The following CKM variants were observed in gnomAD, a reference collection of about 807,000 sequenced individuals.
CKM encodes the protein creatine kinase M-type.
A neutral mutation model predicts 35.4 loss-of-function variants in CKM; 28 were observed. That is an observed-to-expected ratio of 0.79 (90% confidence interval 0.59 to 1.08). The LOEUF is 1.08. CKM is among the 50% of genes least tolerant of loss of function. The probability of loss-of-function intolerance (pLI) is 0.00; values close to 1 mark genes in which losing one functional copy is unlikely to be tolerated. For synonymous variants in CKM, 215 were observed against 204.4 expected (o/e 1.05, Z -0.44); for missense variants, 484 against 509.8 (o/e 0.95, Z 0.49).
chr19:45,321,736 C>T (rs1162924166), intron 1 of CKM, among the ~76,000 whole-genome samples: 2 of 152,032 alleles, frequency 1.3e-5, no homozygotes, highest in South Asian at 2.1e-4. Flanking sequence ...TGGGATTATG[C>T]GTGTGAGCCA....
intron 2 of CKM, 54 bp downstream of exon 2, chr19:45,319,467 G>T: frequency 6.8e-7 from 1 of 1,467,674 alleles, no homozygotes; most frequent in Non-Finnish European, 9.5e-7. Context: ...GGCATGGCCG[G>T]CAGCCTCCAG....
intron 5 of CKM, 147 bp downstream of exon 5, chr19:45,311,602 G>A: frequency 1.4e-6 from 1 of 698,156 alleles, no homozygotes; most frequent in South Asian, 1.8e-5. Flanking sequence ...GGATGGGCAG[G>A]GGCGGAGGGC....
intron 4 of CKM, 100 bp downstream of exon 4, chr19:45,315,365 C>T (rs1971146776): frequency 7.3e-7 from 1 of 1,372,646 alleles, no homozygotes. Context: ...TCTTCCCCTA[C>T]TTTGAAAAGC....
intron 3 of CKM, among the ~76,000 whole-genome samples, chr19:45,316,082 C>T (rs1289780808): frequency 6.6e-6 from 1 of 151,992 alleles, no homozygotes; most frequent in African/African-American, 2.4e-5. Flanking sequence ...GTAATCCCAA[C>T]ACTTTGGGAA....
chr19:45,314,922 G>A (rs1258157334), intron 4 of CKM, among the ~76,000 whole-genome samples: 1 of 151,662 alleles, frequency 6.6e-6, no homozygotes, highest in African/African-American at 2.4e-5. Flanking sequence ...GTATTGCCCA[G>A]TCTGGTCTTG....
intron 7 of CKM, 91 bp from the exon 8 acceptor site, chr19:45,307,019 TAGTG>T: frequency 7.9e-7 from 1 of 1,269,026 alleles, no homozygotes; most frequent in East Asian, 2.3e-5. Context: ...CAGCCGCATG[TAGTG>T]AGTGCCTACT....
At chr19:45,317,727 GTCTC>G in intron 3 of CKM, 94 bp downstream of exon 3, 2 of 1,330,300 alleles carry the variant, frequency 1.5e-6, no homozygotes, top group Non-Finnish European at 2.1e-6. Flanking sequence ...ACACCTCTGT[GTCTC>G]TCTCTGTCTC....
Position 45,307,455 on chromosome 19 carries a change from C to T in CKM, c.967+6G>A, listed in dbSNP as rs1414625334. Reference sequence around the variant, plus strand: ...CGTCGTGGTGCAAAGGATGTGGGAGCCGTACCTGTACCCCTCTTCTGCAGA... The same window carrying T: ...CGTCGTGGTGCAAAGGATGTGGGAGTCGTACCTGTACCCCTCTTCTGCAGA... On this transcript the variant is annotated splice_donor_region_variant and intron_variant, in intron 7 of 7. Transcript: ENST00000221476. 3.2e-5 allele frequency: 51 copies of T among 1,613,308 alleles called. No individual in the cohort carries two copies. Among genetic ancestry groups the T allele is most frequent in the Non-Finnish European group, 4.2e-5 (50 of 1,179,602 alleles).
At chr19:45,315,051 C>T (rs904251774) in intron 4 of CKM, among the ~76,000 whole-genome samples, 2 of 152,164 alleles carry the variant, frequency 1.3e-5, no homozygotes, top group African/African-American at 4.8e-5. Flanking sequence ...TCCACCACAC[C>T]CATGTCTTGG....
intron 1 of CKM, among the ~76,000 whole-genome samples, chr19:45,319,996 A>G (rs1196602589): frequency 4.6e-5 from 7 of 151,284 alleles, no homozygotes; most frequent in South Asian, 2.1e-4. Flanking sequence ...TCACCATGTT[A>G]GCCAGGATAG....
At chr19:45,322,336 C>T (rs1006743818) in intron 1 of CKM, among the ~76,000 whole-genome samples, 5 of 152,138 alleles carry the variant, frequency 3.3e-5, no homozygotes, top group African/African-American at 1.2e-4. Flanking sequence ...AGGACATGCC[C>T]AGGACACTCA....
Position 45,315,849 on chromosome 19 carries a change from C to CTTTTTTTTGTTT in CKM, c.349-253_349-252insAAACAAAAAAAA, listed in dbSNP as rs376961493. The stretch of plus-strand genomic sequence containing the variant: ...TCCCCATCTTCGTATATTTCTTTTC[C>CTTTTTTTTGTTT]TTTTTTTTCTTCGAGACAGGGTCTC... On this transcript the variant is annotated intron_variant, in intron 3 of 7. Coordinates refer to ENST00000221476, the MANE Select transcript of CKM (RefSeq NM_001824.5). Among the ~76,000 whole-genome samples the CTTTTTTTTGTTT allele has an allele frequency of 1.3e-3, 181 of 135,680 alleles. 3 individuals are homozygous for CTTTTTTTTGTTT. The highest frequency in any genetic ancestry group is 2.3e-3 in the Non-Finnish European group (147 of 63,404). 89.0% of individuals were successfully genotyped at this position (135,680 alleles called of 152,430 possible).
rs373583683 is a variant in CKM, at chr19:45,306,729, C to G, written c.*21G>C. Reference sequence around the variant, plus strand: ...CTCCCACTGGCTGGGTTCCAGCAGTCGGTGGCAGGTGGGCAGGCGCCTACT... The same window carrying G: ...CTCCCACTGGCTGGGTTCCAGCAGTGGGTGGCAGGTGGGCAGGCGCCTACT... On this transcript the variant is annotated 3_prime_UTR_variant, in exon 8 of 8. Transcript: ENST00000221476. This position sits in a 1 kb window ranked among gnomAD's most constrained non-coding sequence, Gnocchi z 4.5. The G allele has an allele frequency of 1.9e-6, 3 of 1,613,542 alleles. No individual in the cohort carries two copies. The highest frequency in any genetic ancestry group is 2.7e-5 in the African/African-American group (2 of 75,026).
At position 45,308,409 on chromosome 19, in the gene CKM, C is replaced by G. The variant is rs772394703; in HGVS notation, c.777G>C (p.Lys259Asn). ...VFRRFCVGLQ[K>N]IEEIFKKAGH... ...TCAGCAGCTAAGGGCAGACACCCAC[C>G]TTCTGCAGCCCTACGCAGAAGCGGC... Residue 259 changes from lysine (K) to asparagine (N), a missense_variant and splice_region_variant, in exon 6 of 8, where the codon AAG (lysine) becomes AAC (asparagine). By Grantham distance (94) the Lys-to-Asn change is moderately conservative. Coordinates refer to ENST00000221476, the MANE Select transcript of CKM (RefSeq NM_001824.5). 6.2e-7 allele frequency: 1 copy of G among 1,614,172 alleles called. No homozygotes were observed. The highest frequency in any genetic ancestry group is 1.3e-5 in the African/African-American group (1 of 75,044).
intron 5 of CKM, among the ~76,000 whole-genome samples, chr19:45,309,447 T>C (rs547295036): frequency 2.2e-4 from 32 of 147,312 alleles, no homozygotes; most frequent in Non-Finnish European, 3.6e-4. Context: ...TCCAAGCCAC[T>C]GGGGAGGCTG....
chr19:45,319,998 C>A (rs1173769814), intron 1 of CKM, among the ~76,000 whole-genome samples: 1 of 151,844 alleles, frequency 6.6e-6, no homozygotes, highest in Non-Finnish European at 1.5e-5. Context: ...ACCATGTTAG[C>A]CAGGATAGTC....
In CKM at chr19:45,315,543, G is replaced by C; in HGVS notation, c.403C>G (p.Arg135Gly). 6.2e-7 allele frequency: 1 copy of C among 1,602,928 alleles called. No homozygotes were observed. The highest frequency in any genetic ancestry group is 1.3e-5 in the African/African-American group (1 of 75,044). The change falls in exon 4 of 8, where the codon CGC (arginine) becomes GGC (glycine). Residue 135 changes from arginine to glycine, a missense_variant. Arg to Gly is a moderately radical substitution (Grantham distance 125, BLOSUM62 -2). Coordinates refer to ENST00000221476, the MANE Select transcript of CKM (RefSeq NM_001824.5). The stretch of plus-strand genomic sequence containing the variant: ...GGCAACGTGTAGCCCTTGATGCTGC[G>C]GCCAGTGCGGACGCGGCTGCTGAGC... Reference protein sequence around the residue: ...YVLSSRVRTGRSIKGYTLPPH... With the variant: ...YVLSSRVRTGGSIKGYTLPPH...
chr19:45,307,059 T>A, intron 7 of CKM, 131 bp from the exon 8 acceptor site: 1 of 850,968 alleles, frequency 1.2e-6, no homozygotes, highest in Non-Finnish European at 1.9e-6. Flanking sequence ...TGCACACAGG[T>A]AATGCCTGTT....
chr19:45,306,658 G>T lies in CKM; in HGVS notation c.*92C>A. On this transcript the variant is annotated 3_prime_UTR_variant, in exon 8 of 8. Transcript: ENST00000221476. This position sits in a 1 kb window ranked among gnomAD's most constrained non-coding sequence, Gnocchi z 4.5. ...GCCCCCAGGTGGGACTCTGGGACAG[G>T]GGGCGGGGCGAGGAGTGAGGGAGCA... 7.3e-7 allele frequency: 1 copy of T among 1,378,176 alleles called. No homozygotes were observed. 85.4% of individuals were successfully genotyped at this position (1,378,176 alleles called of 1,614,324 possible). A position where few individuals can be genotyped will look rare whatever the true frequency, so the allele number is the denominator to read the frequency against.
Sources: allele counts gnomAD v4.1 joint callset (sites outside exome capture counted in the v4.1 genomes callset), GRCh38; gene constraint gnomAD v4.1.1; non-coding constraint Gnocchi (gnomAD v3.1); transcripts MANE v1.5; gene names NCBI Gene and HGNC (gene_info 2026-07-23, HGNC 2026-07-21).